Variants in RGS7 observed in about 807,000 individuals in gnomAD.
RGS7 encodes regulator of G protein signaling 7.
RGS7 carries 27 observed loss-of-function variants against 81.1 expected under a neutral mutation model. That is an observed-to-expected ratio of 0.33 (90% CI 0.25 to 0.46). The LOEUF is 0.46. Ranked by LOEUF, RGS7 falls within the 20% of genes least tolerant of loss-of-function variation. The pLI is 1.00. For synonymous variants in RGS7, 208 were observed against 207.7 expected, an observed-to-expected ratio of 1.00 and a Z score of -0.01; for missense variants, 396 against 607.4, an observed-to-expected ratio of 0.65 and a Z score of 3.66.
At chr1:240,938,511 C>T (rs563691190) in intron 4 of RGS7, among the ~76,000 whole-genome samples, 1 of 152,206 alleles carries the variant, frequency 6.6e-6, no homozygotes, top group African/African-American at 2.4e-5. Flanking sequence ...CATCCTTTTA[C>T]CCCTTACACC....
chr1:241,041,025 T>A (rs2060588340), intron 3 of RGS7, among the ~76,000 whole-genome samples: 1 of 152,154 alleles, frequency 6.6e-6, no homozygotes, highest in South Asian at 2.1e-4. Context: ...AAAGTAAATA[T>A]AAGATTGTGC....
chr1:241,324,528 C>G (rs1047121137), intron 2 of RGS7, among the ~76,000 whole-genome samples: 1 of 152,128 alleles, frequency 6.6e-6, no homozygotes, highest in South Asian at 2.1e-4. Context: ...ATACGTGTAC[C>G]CTTTTTGCAT....
chr1:240,854,605 C>T (rs1660735997), intron 9 of RGS7, among the ~76,000 whole-genome samples: 2 of 152,194 alleles, frequency 1.3e-5, no homozygotes, highest in Admixed American at 1.3e-4. Flanking sequence ...GTGATGCCAT[C>T]CACTGGACAA....
intron 2 of RGS7, among the ~76,000 whole-genome samples, chr1:241,221,025 GGAAGGAAGGAAGGA>G (rs1178129094): frequency 1.2e-4 from 13 of 105,514 alleles, no homozygotes; most frequent in African/African-American, 4.4e-4. Context: ...AAGGAAGGAA[GGAAGGAAGGAAGGA>G]AAAGAAAGAA....
intron 4 of RGS7, among the ~76,000 whole-genome samples, chr1:240,948,894 T>C (rs1039885791): frequency 5.3e-5 from 8 of 151,364 alleles, no homozygotes; most frequent in Non-Finnish European, 1.0e-4. Flanking sequence ...ATAAATGTGT[T>C]GGTATCCCTG....
intron 2 of RGS7, among the ~76,000 whole-genome samples, chr1:241,345,058 CAA>C (rs1432965324): frequency 6.6e-6 from 1 of 152,172 alleles, no homozygotes; most frequent in East Asian, 1.9e-4. Flanking sequence ...GCAGCCACAA[CAA>C]AGAACAAGAT....
intron 6 of RGS7, among the ~76,000 whole-genome samples, chr1:240,901,062 C>T (rs990844393): frequency 2.6e-5 from 4 of 152,148 alleles, no homozygotes; most frequent in East Asian, 1.9e-4. Context: ...TAGCAGTGAG[C>T]GAGGCTCCGT....
At chr1:240,936,817 T>C (rs1174206062) in intron 4 of RGS7, 111 bp from the exon 5 acceptor site, 1 of 810,102 alleles carries the variant, frequency 1.2e-6, no homozygotes, top group Non-Finnish European at 2.1e-6. Context: ...AAGTTCCTCT[T>C]GAAAGATTTA....
At chr1:241,106,783 C>CACACACACAT (rs1458660161) in intron 2 of RGS7, among the ~76,000 whole-genome samples, 1 of 147,722 alleles carries the variant, frequency 6.8e-6, no homozygotes, top group South Asian at 2.1e-4. Flanking sequence ...CACACACACA[C>CACACACACAT]GATAACATAA....
At chr1:240,905,526 A>C (rs535410508) in intron 6 of RGS7, among the ~76,000 whole-genome samples, 1 of 152,334 alleles carries the variant, frequency 6.6e-6, no homozygotes, top group African/African-American at 2.4e-5. Flanking sequence ...GAGGCTCAAA[A>C]AAGTGAAGTC....
chr1:241,064,300 A>G (rs933725181), intron 3 of RGS7, among the ~76,000 whole-genome samples: 3 of 151,634 alleles, frequency 2.0e-5, no homozygotes, highest in Non-Finnish European at 4.4e-5. Flanking sequence ...TAAAATGCAG[A>G]TTCTGCTGGG....
intron 2 of RGS7, among the ~76,000 whole-genome samples, chr1:241,174,676 C>A (rs183702053): frequency 6.6e-6 from 1 of 152,078 alleles, no homozygotes; most frequent in Non-Finnish European, 1.5e-5. Context: ...GAACACACCC[C>A]AACACTGGGC....
chr1:240,858,158 G>A (rs147651379), intron 9 of RGS7, among the ~76,000 whole-genome samples: 125 of 152,282 alleles, frequency 8.2e-4, no homozygotes, highest in African/African-American at 2.1e-3. Flanking sequence ...AGGACATCTT[G>A]ATTGTTTCCA....
chr1:241,291,527 G>C (rs2079084351), intron 2 of RGS7, among the ~76,000 whole-genome samples: 1 of 150,392 alleles, frequency 6.6e-6, no homozygotes, highest in Non-Finnish European at 1.5e-5. Flanking sequence ...GGGAAGGTAG[G>C]GGCAAGCCTT....
At chr1:241,017,020 A>G (rs1479497846) in intron 3 of RGS7, among the ~76,000 whole-genome samples, 1 of 152,140 alleles carries the variant, frequency 6.6e-6, no homozygotes, top group East Asian at 1.9e-4. Context: ...GAGTTGCCAT[A>G]GATCAACAAT....
intron 2 of RGS7, among the ~76,000 whole-genome samples, chr1:241,200,739 C>T (rs1403785900): frequency 2.0e-5 from 3 of 152,152 alleles, no homozygotes; most frequent in African/African-American, 4.8e-5. Flanking sequence ...CCACTGCCCC[C>T]GGATTATTGC....
chr1:241,191,113 C>T (rs2072617800), intron 2 of RGS7, among the ~76,000 whole-genome samples: 1 of 152,020 alleles, frequency 6.6e-6, no homozygotes. Flanking sequence ...TCCCAAGTAG[C>T]TGGGACTACA....
intron 3 of RGS7, among the ~76,000 whole-genome samples, chr1:241,046,265 G>A (rs2060919623): frequency 6.6e-6 from 1 of 151,504 alleles, no homozygotes. Flanking sequence ...CAACCAGGGA[G>A]TAAACACAAT....
intron 2 of RGS7, among the ~76,000 whole-genome samples, chr1:241,337,588 C>T (rs549251524): frequency 2.0e-5 from 3 of 152,122 alleles, no homozygotes; most frequent in South Asian, 2.1e-4. Context: ...CATTATACCA[C>T]GCTCTTCCTC....
Sources: allele counts gnomAD v4.1 joint callset (sites outside exome capture counted in the v4.1 genomes callset), GRCh38; gene constraint gnomAD v4.1.1; transcripts MANE v1.5; gene names NCBI Gene and HGNC (gene_info 2026-07-23, HGNC 2026-07-21).